Variants in ODF2 observed in about 807,000 individuals in gnomAD.
The protein encoded by ODF2 is outer dense fiber protein 2.
A neutral mutation model predicts 110.2 loss-of-function variants in ODF2; 47 were observed. The ratio of observed to expected loss-of-function variants is 0.43; its 90% CI spans 0.34 to 0.54. The LOEUF (loss-of-function observed/expected upper bound fraction) is 0.54. Among genes scored for constraint, ODF2 ranks in the 20% least tolerant of loss-of-function variants. The pLI is 0.03. For missense variants in ODF2, 812 were observed against 1,054.5 expected (o/e 0.77, Z 3.19); for synonymous variants, 352 against 397.7 (o/e 0.89, Z 1.37).
chr9:128,464,156 CTTT>C (rs1288565881), intron 4 of ODF2, among the ~76,000 whole-genome samples: 2 of 118,590 alleles, frequency 1.7e-5, no homozygotes, highest in Admixed American at 9.1e-5. Flanking sequence ...CCAAAAATGC[CTTT>C]TTTTTTTTTT....
At chr9:128,477,056 C>A (rs1841428127) in intron 8 of ODF2, among the ~76,000 whole-genome samples, 1 of 151,636 alleles carries the variant, frequency 6.6e-6, no homozygotes, top group Non-Finnish European at 1.5e-5. Flanking sequence ...CCAGCCTGGC[C>A]AACATGGTGA....
rs751472245 is a variant in ODF2, at chr9:128,485,522, G to A, written c.1400+48G>A. On this transcript the variant is annotated intron_variant, in intron 13 of 20. Coordinates refer to ENST00000604420, the Ensembl canonical transcript of ODF2. The surrounding 1 kb of genome is among the most constrained non-coding windows in gnomAD (Gnocchi z 5.0). ...GAATGTGGCGCTGTTGAGGGACTTGGGTGTGCAGGTGGGAGGGGCCTAGTG... is the reference window on the plus strand; with the variant it reads ...GAATGTGGCGCTGTTGAGGGACTTGAGTGTGCAGGTGGGAGGGGCCTAGTG... 6.6e-6 allele frequency: 7 copies of A among 1,060,564 alleles called. No homozygotes were observed. The Admixed American group carries it at 1.3e-4, about 20-fold the overall frequency. 65.7% of individuals were successfully genotyped at this position (1,060,564 alleles called of 1,614,324 possible).
chr9:128,486,443 G>C (rs1223041099), intron 13 of ODF2, among the ~76,000 whole-genome samples: 1 of 152,196 alleles, frequency 6.6e-6, no homozygotes, highest in African/African-American at 2.4e-5. Flanking sequence ...GAGTTTGCCA[G>C]GTAAACTGGA....
intron 4 of ODF2, 101 bp from the exon 5 acceptor site, chr9:128,469,082 A>G (rs1045042405): frequency 6.0e-5 from 69 of 1,152,990 alleles, no homozygotes; most frequent in Middle Eastern, 5.9e-4. Context: ...GTTAGCTGTT[A>G]CAGCTTTTCC....
chr9:128,499,221 G>A, intron 20 of ODF2, 95 bp downstream of exon 20: 1 of 1,454,186 alleles, frequency 6.9e-7, no homozygotes, highest in Non-Finnish European at 9.5e-7. Flanking sequence ...TACTGTTTTT[G>A]TGAATATGAC....
chr9:128,480,195 T>C (rs964947978), intron 8 of ODF2, among the ~76,000 whole-genome samples: 2 of 152,238 alleles, frequency 1.3e-5, no homozygotes, highest in African/African-American at 2.4e-5. Flanking sequence ...TTTTTAAAAG[T>C]TAATAATGGA....
chr9:128,469,192 C>A, exon 5 of ODF2: 1 of 1,613,924 alleles, frequency 6.2e-7, no homozygotes, highest in Non-Finnish European at 8.5e-7. Context: ...GAATCCACCT[C>A]ATTGCCTGGA....
At chr9:128,468,912 G>C (rs1264536436) in intron 4 of ODF2, 1 of 392,652 alleles carries the variant, frequency 2.5e-6, no homozygotes, top group East Asian at 4.9e-5. Flanking sequence ...CAATATACTG[G>C]TTTTACAGGG....
intron 10 of ODF2, 84 bp downstream of exon 10, chr9:128,482,971 C>A: frequency 9.9e-7 from 1 of 1,008,792 alleles, no homozygotes; most frequent in Non-Finnish European, 1.5e-6. Context: ...TCTCAGCTCG[C>A]TGCAACCTCT....
intron 11 of ODF2, 116 bp from the exon 12 acceptor site, chr9:128,484,585 C>A: frequency 1.8e-6 from 2 of 1,136,192 alleles, no homozygotes; most frequent in Non-Finnish European, 2.5e-6. Context: ...TTCTGTCTTC[C>A]TCGTTTCCTC....
chr9:128,481,499 A>G, intron 8 of ODF2, 81 bp from the exon 9 acceptor site: 2 of 1,157,130 alleles, frequency 1.7e-6, no homozygotes, highest in Non-Finnish European at 2.5e-6. Flanking sequence ...CAATTTTTGG[A>G]AAAGGTAAAG....
chr9:128,477,910 A>G (rs986731064), intron 8 of ODF2, among the ~76,000 whole-genome samples: 4 of 152,058 alleles, frequency 2.6e-5, no homozygotes, highest in African/African-American at 9.7e-5. Context: ...CTCACCGCCC[A>G]GCTTTTAAAA....
intron 5 of ODF2, 40 bp downstream of exon 5, chr9:128,469,393 G>A (rs746429920): frequency 2.5e-6 from 4 of 1,603,010 alleles, no homozygotes; most frequent in Non-Finnish European, 3.4e-6. Flanking sequence ...CTACCCTGAG[G>A]ATGTGCAGGA....
chr9:128,490,551 T>C (rs1027474106), intron 14 of ODF2, among the ~76,000 whole-genome samples: 1 of 152,128 alleles, frequency 6.6e-6, no homozygotes, highest in East Asian at 1.9e-4. Flanking sequence ...TCCCAAAGTG[T>C]TGGGTTTATA....
In ODF2 at chr9:128,485,291, T is replaced by TG. The variant is rs1420411843; in HGVS notation, c.1291-73dup. The TG allele has an allele frequency of 1.3e-6, 1 of 785,288 alleles. No homozygotes were observed. Among genetic ancestry groups the TG allele is most frequent in the Non-Finnish European group, 2.2e-6 (1 of 459,778 alleles). 48.6% of individuals were successfully genotyped at this position (785,288 alleles called of 1,614,324 possible). On this transcript the variant is annotated intron_variant, in intron 12 of 20. Transcript: ENST00000604420. The surrounding 1 kb of genome is among the most constrained non-coding windows in gnomAD (Gnocchi z 5.0). ...TACCAGGGTGAGAAACCACCTAGGA[T>TG]GAGCCCGCTCCCAGCTCCTGGCAGC... is the stretch of plus-strand genomic sequence containing the variant.
chr9:128,472,955 G>A (rs1372850325), exon 7 of ODF2: 1 of 1,614,150 alleles, frequency 6.2e-7, no homozygotes, highest in Non-Finnish European at 8.5e-7. Flanking sequence ...AGTGCCTCAT[G>A]TCCAAGCTGG....
At chr9:128,457,057 T>TC in intron 1 of ODF2, 1 of 1,304,966 alleles carries the variant, frequency 7.7e-7, no homozygotes, top group South Asian at 1.4e-5. Flanking sequence ...GCCTCAGGTT[T>TC]CCCCCGGTAG....
intron 8 of ODF2, among the ~76,000 whole-genome samples, chr9:128,476,508 G>A (rs1402492383): frequency 1.3e-5 from 2 of 151,684 alleles, no homozygotes; most frequent in Non-Finnish European, 2.9e-5. Flanking sequence ...GGCTGGTCTC[G>A]AACTCCTGAC....
intron 8 of ODF2, among the ~76,000 whole-genome samples, chr9:128,480,896 C>T (rs1842269789): frequency 6.6e-6 from 1 of 152,068 alleles, no homozygotes; most frequent in African/African-American, 2.4e-5. Flanking sequence ...ACATGAATCC[C>T]TTTCCCCTTC....
Sources: gnomAD v4.1 joint callset for allele counts (sites outside exome capture counted in the v4.1 genomes callset) on GRCh38, gnomAD v4.1.1 for gene constraint, Gnocchi (gnomAD v3.1) non-coding constraint, MANE v1.5 for transcripts, NCBI Gene and HGNC (gene_info 2026-07-23, HGNC 2026-07-21) for gene names.